Variants in PKHD1L1 observed in about 807,000 individuals in gnomAD.
The protein encoded by PKHD1L1 is fibrocystin-L.
Under a neutral mutation model 462.9 loss-of-function variants are expected in PKHD1L1, and 434 were observed. The ratio of observed to expected loss-of-function variants is 0.94; its 90% CI spans 0.87 to 1.02. The LOEUF (loss-of-function observed/expected upper bound fraction) is 1.02. Ranked by LOEUF, PKHD1L1 falls within the 50% of genes least tolerant of loss-of-function variation. The pLI, the probability that PKHD1L1 is intolerant of heterozygous loss-of-function variation, is 0.00. For synonymous variants in PKHD1L1, 1,781 were observed against 1,750.0 expected, an observed-to-expected ratio of 1.02 and a Z score of -0.44; for missense variants, 5,202 against 5,096.1, an observed-to-expected ratio of 1.02 and a Z score of -0.63.
chr8:109,436,249 A>G (rs915181971), intron 29 of PKHD1L1, 89 bp from the exon 30 acceptor site: 29 of 1,386,462 alleles, frequency 2.1e-5, no homozygotes, highest in Non-Finnish European at 2.6e-5. Flanking sequence ...ACTATTCTCA[A>G]AAGACAATTC....
intron 57 of PKHD1L1, among the ~76,000 whole-genome samples, chr8:109,484,434 A>G (rs1818425991): frequency 6.6e-6 from 1 of 151,900 alleles, no homozygotes; most frequent in Admixed American, 6.6e-5. Flanking sequence ...ATATCTATTG[A>G]TTTCAAATAA....
chr8:109,487,939 A>C (rs1818636570), intron 59 of PKHD1L1, among the ~76,000 whole-genome samples: 1 of 150,486 alleles, frequency 6.6e-6, no homozygotes, highest in Admixed American at 6.7e-5. Context: ...GAAGGAAGGA[A>C]GGAAAGAAGG....
intron 2 of PKHD1L1, among the ~76,000 whole-genome samples, chr8:109,379,014 C>A (rs1055245786): frequency 6.6e-6 from 1 of 152,134 alleles, no homozygotes; most frequent in Non-Finnish European, 1.5e-5. Context: ...GCAGTGCTAG[C>A]GCATTGGGCC....
At chr8:109,452,991 G>A (rs1404720879) in intron 43 of PKHD1L1, 117 bp downstream of exon 43, 1 of 855,236 alleles carries the variant, frequency 1.2e-6, no homozygotes, top group Non-Finnish European at 1.6e-6. Context: ...TTAATATACA[G>A]TGTAGTCCTG....
intron 12 of PKHD1L1, among the ~76,000 whole-genome samples, chr8:109,399,829 ATAT>A (rs909195607): frequency 1.3e-5 from 2 of 152,138 alleles, no homozygotes; most frequent in African/African-American, 4.8e-5. Context: ...ACCCATGCAA[ATAT>A]TATTATTACT....
Position 109,483,025 on chromosome 8 carries a change from T to C in PKHD1L1, c.9496T>C (p.Ser3166Pro). The C allele has an allele frequency of 6.3e-7, 1 of 1,596,520 alleles. No homozygotes were observed. The highest frequency in any genetic ancestry group is 8.5e-7 in the Non-Finnish European group (1 of 1,171,700). The change falls in exon 57 of 78, where the codon TCA becomes CCA. Residue 3166 changes from serine to proline, a missense_variant. Around this residue, in one of 3 missense-constraint regions of PKHD1L1, gnomAD observed 4,497 missense variants for 4,336.8 expected, o/e 1.04. Transcript: ENST00000378402. Reference sequence around the variant, plus strand: ...GCTGGATCTTCATGGAATTCCACATTCAATATATAAAACTAAGCTCTCAGA... The same window carrying C: ...GCTGGATCTTCATGGAATTCCACATCCAATATATAAAACTAAGCTCTCAGA... ...GELDLHGIPH[S>P]IYKTKLSETA...
At chr8:109,450,055 AGTTAATG>A (rs1018723215) in intron 40 of PKHD1L1, among the ~76,000 whole-genome samples, 4 of 152,152 alleles carry the variant, frequency 2.6e-5, no homozygotes, top group Non-Finnish European at 5.9e-5. Context: ...ATTTATTTTT[AGTTAATG>A]GTTAAGAGCC....
intron 19 of PKHD1L1, among the ~76,000 whole-genome samples, chr8:109,410,335 T>C (rs1813771458): frequency 6.6e-6 from 1 of 152,174 alleles, no homozygotes; most frequent in African/African-American, 2.4e-5. Flanking sequence ...AGAGGTTTAA[T>C]TGGCTCACAG....
chr8:109,418,235 C>CT (rs543804119), intron 21 of PKHD1L1, among the ~76,000 whole-genome samples: 30 of 148,372 alleles, frequency 2.0e-4, no homozygotes, highest in East Asian at 5.9e-4. Context: ...GCCCTAAGTA[C>CT]TTTTTTTTTT....
chr8:109,478,290 C>G (rs1291271577), intron 53 of PKHD1L1, among the ~76,000 whole-genome samples: 2 of 152,116 alleles, frequency 1.3e-5, no homozygotes, highest in Non-Finnish European at 2.9e-5. Context: ...CCACTATGTG[C>G]CAGGCATTTT....
At chr8:109,408,313 A>T in intron 18 of PKHD1L1, 107 bp downstream of exon 18, 2 of 1,033,758 alleles carry the variant, frequency 1.9e-6, no homozygotes, top group South Asian at 4.5e-5. Context: ...AAAAAAAATC[A>T]CTGCAAATTA....
chr8:109,409,111 G>A (rs1449456887), intron 18 of PKHD1L1, among the ~76,000 whole-genome samples: 3 of 152,182 alleles, frequency 2.0e-5, no homozygotes, highest in African/African-American at 7.2e-5. Flanking sequence ...AATTCTAAGC[G>A]ACAATTATTT....
Position 109,445,295 on chromosome 8 carries a change from A to T in PKHD1L1, c.5426A>T (p.His1809Leu). The T allele has an allele frequency of 6.2e-7, 1 of 1,614,026 alleles. No homozygotes were observed. Among genetic ancestry groups the T allele is most frequent in the Non-Finnish European group, 8.5e-7 (1 of 1,179,894 alleles). The change falls in exon 38 of 78, where the codon CAT (histidine) becomes CTT (leucine). Residue 1809 changes from histidine to leucine, a missense_variant. Transcript: ENST00000378402. ...TALVTPLPVGHHSVSVVVGSK... is the reference protein window; with the variant it reads ...TALVTPLPVGLHSVSVVVGSK... ...CTTGTGACTCCTCTCCCAGTTGGAC[A>T]TCATTCTGTTAGTGTTGTGGTGGGA...
intron 59 of PKHD1L1, among the ~76,000 whole-genome samples, chr8:109,488,138 A>T (rs887285537): frequency 7.9e-5 from 12 of 151,978 alleles, no homozygotes; most frequent in Admixed American, 7.2e-4. Context: ...CTAAACAACT[A>T]TTTGACTGCA....
In PKHD1L1 at chr8:109,389,074, AT is replaced by A; in HGVS notation, c.624-3del. 1 of 1,583,454 alleles carries A rather than the reference AT, an allele frequency of 6.3e-7. No individual in the cohort carries two copies. The highest frequency in any genetic ancestry group is 8.6e-7 in the Non-Finnish European group (1 of 1,160,732). On this transcript the variant is annotated splice_polypyrimidine_tract_variant and splice_region_variant and intron_variant, in intron 7 of 77. Coordinates refer to ENST00000378402, the MANE Select transcript of PKHD1L1 (RefSeq NM_177531.6). Reference sequence around the variant, plus strand: ...AAGCTTTGACATTAACTTTTTTTTAATTAGATATGGTCTAAAACTGGATCAT... The same window carrying A: ...AAGCTTTGACATTAACTTTTTTTTAATAGATATGGTCTAAAACTGGATCAT...
chr8:109,422,148 A>G (rs1323599000), intron 23 of PKHD1L1, among the ~76,000 whole-genome samples: 2 of 152,196 alleles, frequency 1.3e-5, no homozygotes. Context: ...TTTTTGTATA[A>G]TATAGCATAA....
At position 109,445,227 on chromosome 8, in the gene PKHD1L1, A is replaced by C. The variant is rs766826714; in HGVS notation, c.5358A>C (p.Gln1786His). 6.2e-7 allele frequency: 1 copy of C among 1,614,032 alleles called. No homozygotes were observed. The highest frequency in any genetic ancestry group is 1.6e-4 in the Middle Eastern group (1 of 6,062). The stretch of plus-strand genomic sequence containing the variant: ...ACATTGCTGTTTTCATTGGAAATCA[A>C]CAGTTCAGAGCAATAGAGGTTAATG... ...LEDIAVFIGN[Q>H]QFRAIEVNEN... Residue 1786 changes from glutamine to histidine, a missense_variant, in exon 38 of 78, where the codon CAA becomes CAC. Physicochemically the swap from Gln to His is conservative, Grantham distance 24. Around this residue, in one of 3 missense-constraint regions of PKHD1L1, gnomAD observed 4,497 missense variants for 4,336.8 expected, o/e 1.04. Coordinates refer to ENST00000378402, the MANE Select transcript of PKHD1L1 (RefSeq NM_177531.6).
Position 109,454,236 on chromosome 8 carries a change from G to T in PKHD1L1, c.6734G>T (p.Gly2245Val), listed in dbSNP as rs1404671261. ...QAENILITDG[G>V]VLQIGTETSP... The stretch of plus-strand genomic sequence containing the variant: ...GAAAATATTCTAATTACAGATGGAG[G>T]TGTTCTTCAGGTATTCAAAAGAACA... Residue 2245 changes from glycine to valine, a missense_variant, in exon 44 of 78, where the codon GGT becomes GTT. Coordinates refer to ENST00000378402, the MANE Select transcript of PKHD1L1 (RefSeq NM_177531.6). 3.1e-6 allele frequency: 5 copies of T among 1,601,962 alleles called. No homozygotes were observed. Among genetic ancestry groups the T allele is most frequent in the Admixed American group, 1.7e-5 (1 of 58,966 alleles).
At chr8:109,395,983 T>C in intron 10 of PKHD1L1, 44 bp from the exon 11 acceptor site, 1 of 1,341,458 alleles carries the variant, frequency 7.5e-7, no homozygotes, top group Non-Finnish European at 1.0e-6. Flanking sequence ...TTTGGGTTTA[T>C]GTGTAATATT....
Sources: allele counts gnomAD v4.1 joint callset (sites outside exome capture counted in the v4.1 genomes callset), GRCh38; gene constraint gnomAD v4.1.1; regional missense constraint gnomAD v4.1.1; transcripts MANE v1.5; gene names NCBI Gene and HGNC (gene_info 2026-07-23, HGNC 2026-07-21).